SMURF2: variants seen among roughly 807,000 people sequenced by gnomAD.
The protein encoded by SMURF2 is SMAD specific E3 ubiquitin protein ligase 2, also known as E3 ubiquitin-protein ligase SMURF2.
In SMURF2, 48 loss-of-function variants were observed where a neutral mutation model predicts 109.6. The observed-to-expected ratio is 0.44, with a 90% CI of 0.35 to 0.56. The LOEUF is 0.56. Among genes scored for constraint, SMURF2 ranks in the 20% least tolerant of loss-of-function variants. The probability of loss-of-function intolerance (pLI) is 0.01; values close to 1 mark genes in which losing one functional copy is unlikely to be tolerated. For synonymous variants in SMURF2, 288 were observed against 317.1 expected (o/e 0.91, Z 0.97); for missense variants, 575 against 909.0 (o/e 0.63, Z 4.72).
chr17:64,644,608 GA>G (rs375136131), intron 1 of SMURF2, among the ~76,000 whole-genome samples: 36,321 of 123,066 alleles, frequency 0.3, 9,410 homozygotes, highest in African/African-American at 0.68. Context: ...AAAAAAAAAA[GA>G]AAAAAAAAAA....
At chr17:64,628,534 AC>A (rs1970296477) in intron 1 of SMURF2, among the ~76,000 whole-genome samples, 1 of 152,178 alleles carries the variant, frequency 6.6e-6, no homozygotes, top group Non-Finnish European at 1.5e-5. Context: ...GCAAAATTAT[AC>A]CAAGAATAGT....
chr17:64,585,793 A>G (rs1321289609), intron 6 of SMURF2, among the ~76,000 whole-genome samples: 2 of 152,218 alleles, frequency 1.3e-5, no homozygotes, highest in Non-Finnish European at 1.5e-5. Flanking sequence ...GAATAATTTA[A>G]TCAAGCAACA....
chr17:64,576,826 A>G (rs1442730352), intron 9 of SMURF2, among the ~76,000 whole-genome samples: 2 of 151,510 alleles, frequency 1.3e-5, no homozygotes, highest in Non-Finnish European at 2.9e-5. Context: ...CCCGTTTTTA[A>G]AGGGTATGTG....
rs1968904632 is a variant in SMURF2 at position 64,543,547 on chromosome 17, T to G, written c.*2301A>C. On this transcript the variant is annotated 3_prime_UTR_variant, in exon 19 of 19. Coordinates refer to ENST00000262435, the MANE Select transcript of SMURF2 (RefSeq NM_022739.4). Reference sequence around the variant, plus strand: ...CCTCGGCCTCCCAAAGTGCTGGGATTACAGGTGTGAGCCACCATGCCCAGC... The same window carrying G: ...CCTCGGCCTCCCAAAGTGCTGGGATGACAGGTGTGAGCCACCATGCCCAGC... 6.6e-6 allele frequency: 1 copy of G among 152,238 alleles called. No individual in the cohort carries two copies. The highest frequency in any genetic ancestry group is 1.5e-5 in the Non-Finnish European group (1 of 68,050). The allele number at this position is 152,238 out of a possible 1,614,324, so 9.4% of individuals were successfully genotyped here.
chr17:64,605,744 A>AATATATATATATATATATATATATAT (rs71158333), intron 2 of SMURF2, among the ~76,000 whole-genome samples: 114 of 99,048 alleles, frequency 1.2e-3, no homozygotes, highest in African/African-American at 1.8e-3. Flanking sequence ...CTCTAAAAAG[A>AATATATATATATATATATATATATAT]ATATATATAT....
intron 10 of SMURF2, among the ~76,000 whole-genome samples, chr17:64,568,921 G>A (rs1278663200): frequency 6.6e-6 from 1 of 151,992 alleles, no homozygotes. Context: ...AGAATCGCTT[G>A]AACCCAAGAG....
chr17:64,546,489 G>A, intron 17 of SMURF2, 151 bp from the exon 18 acceptor site: 1 of 613,662 alleles, frequency 1.6e-6, no homozygotes, highest in Non-Finnish European at 2.8e-6. Flanking sequence ...AGCAGGAAAA[G>A]CATCTGGGTT....
intron 1 of SMURF2, among the ~76,000 whole-genome samples, chr17:64,611,453 G>A (rs1187563106): frequency 7.2e-5 from 11 of 151,874 alleles, no homozygotes; most frequent in East Asian, 3.9e-4. Context: ...CGTCTTCCCC[G>A]CAAACCTGCT....
At chr17:64,564,456 T>C (rs1969273007) in intron 10 of SMURF2, among the ~76,000 whole-genome samples, 1 of 152,140 alleles carries the variant, frequency 6.6e-6, no homozygotes, top group Non-Finnish European at 1.5e-5. Flanking sequence ...CCCCAAAAGA[T>C]ATGCTGAAGG....
At chr17:64,646,757 T>C (rs561354862) in intron 1 of SMURF2, among the ~76,000 whole-genome samples, 7 of 152,268 alleles carry the variant, frequency 4.6e-5, no homozygotes, top group Non-Finnish European at 8.8e-5. Flanking sequence ...CAGAGAGAAA[T>C]ATGCCTGACT....
chr17:64,600,979 T>C (rs1438156001), intron 2 of SMURF2, among the ~76,000 whole-genome samples: 1 of 152,124 alleles, frequency 6.6e-6, no homozygotes. Context: ...CCAGACACAG[T>C]AGCTCACACC....
At position 64,645,607 on chromosome 17, in the gene SMURF2, G is replaced by A. The variant is rs142665248; in HGVS notation, c.52+16222C>T. Among the ~76,000 whole-genome samples the A allele has an allele frequency of 2.3e-4, 35 of 152,302 alleles. No individual in the cohort carries two copies. The Middle Eastern group carries it at 0.014, about 59-fold the overall frequency. ...AATAGAAAAGTGGGGAGGAAGACAAGGAAGAGAATAATTGGACATGCATGT... is the reference window on the plus strand; with the variant it reads ...AATAGAAAAGTGGGGAGGAAGACAAAGAAGAGAATAATTGGACATGCATGT... On this transcript the variant is annotated intron_variant, in intron 1 of 18. Coordinates refer to ENST00000262435, the MANE Select transcript of SMURF2 (RefSeq NM_022739.4).
chr17:64,648,789 C>A (rs1466499336), intron 1 of SMURF2, among the ~76,000 whole-genome samples: 8 of 152,230 alleles, frequency 5.3e-5, no homozygotes, highest in Admixed American at 5.2e-4. Flanking sequence ...AACACACACA[C>A]ACACACAATT....
At chr17:64,650,738 G>C (rs1220889017) in intron 1 of SMURF2, among the ~76,000 whole-genome samples, 1 of 152,082 alleles carries the variant, frequency 6.6e-6, no homozygotes, top group East Asian at 1.9e-4. Flanking sequence ...GCTGAGGCAG[G>C]AGAATTGCTT....
intron 1 of SMURF2, among the ~76,000 whole-genome samples, chr17:64,620,364 GAA>G (rs1555690527): frequency 6.6e-6 from 1 of 152,102 alleles, no homozygotes; most frequent in East Asian, 1.9e-4. Context: ...TGCCACCTAG[GAA>G]AAGAGTTTAG....
chr17:64,570,155 T>A (rs1433082013), intron 10 of SMURF2, among the ~76,000 whole-genome samples: 2 of 152,248 alleles, frequency 1.3e-5, no homozygotes, highest in African/African-American at 4.8e-5. Context: ...AGTTCTCATT[T>A]AAATTTTTTG....
chr17:64,638,042 GTTTTTTTTTTTTCCTTTTTCT>G (rs1970443939), intron 1 of SMURF2, among the ~76,000 whole-genome samples: 1 of 123,766 alleles, frequency 8.1e-6, no homozygotes, highest in Non-Finnish European at 1.7e-5. Flanking sequence ...TTTCCCATGA[GTTTTTTTTTTTTCCTTTTTCT>G]TTTTTTTTTT....
intron 11 of SMURF2, among the ~76,000 whole-genome samples, chr17:64,562,488 T>C (rs1969236024): frequency 6.6e-6 from 1 of 150,684 alleles, no homozygotes; most frequent in South Asian, 2.1e-4. Context: ...CAAGTGATTC[T>C]CCTGCCTCAG....
rs577973821 is a variant in SMURF2, at chr17:64,549,262, C to CAAAAA, written c.1870-1466_1870-1462dup. On this transcript the variant is annotated intron_variant, in intron 16 of 18. Coordinates refer to ENST00000262435, the MANE Select transcript of SMURF2 (RefSeq NM_022739.4). ...TGGGGGACAAGTGAGACTGTGTCTC[C>CAAAAA]AAAAAAAAAAAAAAAAAAAAAAAAA... 7.9e-4 allele frequency among the ~76,000 whole-genome samples: 33 copies of CAAAAA among 41,546 alleles called. 1 individual carries two copies. The highest frequency in any genetic ancestry group is 2.7e-3 in the African/African-American group (33 of 12,010). The allele number at this position is 41,546 out of a possible 152,430, so 27.3% of individuals were successfully genotyped here.
Sources: gnomAD v4.1 joint callset for allele counts (sites outside exome capture counted in the v4.1 genomes callset) on GRCh38, gnomAD v4.1.1 for gene constraint, MANE v1.5 for transcripts, NCBI Gene and HGNC (gene_info 2026-07-23, HGNC 2026-07-21) for gene names.